The following SYN3 variants were observed in gnomAD, a reference collection of about 807,000 sequenced individuals.
SYN3 encodes the protein synapsin III.
Under a neutral mutation model 65.8 loss-of-function variants are expected in SYN3, and 35 were observed. That is an observed-to-expected ratio of 0.53 (90% CI 0.41 to 0.70). The LOEUF (loss-of-function observed/expected upper bound fraction) is 0.70, where lower values mean the gene tolerates loss of function less well. Ranked by LOEUF, SYN3 falls within the 30% of genes least tolerant of loss-of-function variation. The probability of loss-of-function intolerance (pLI) is 0.00; values close to 1 mark genes in which losing one functional copy is unlikely to be tolerated. For synonymous variants in SYN3, 270 were observed against 292.9 expected (o/e 0.92, Z 0.80); for missense variants, 680 against 749.0 (o/e 0.91, Z 1.08).
At chr22:32,953,730 G>C (rs1315443673) in intron 3 of SYN3, among the ~76,000 whole-genome samples, 4 of 152,230 alleles carry the variant, frequency 2.6e-5, no homozygotes, top group African/African-American at 4.8e-5. Flanking sequence ...TTCTGCATGA[G>C]ATGGGAAGAT....
chr22:32,965,012 G>A (rs942555127), intron 3 of SYN3, among the ~76,000 whole-genome samples: 1 of 152,156 alleles, frequency 6.6e-6, no homozygotes, highest in Non-Finnish European at 1.5e-5. Flanking sequence ...TAGAAAGGTG[G>A]TCAATGCAGG....
At chr22:33,043,177 T>C (rs1455027889) in intron 1 of SYN3, among the ~76,000 whole-genome samples, 1 of 152,218 alleles carries the variant, frequency 6.6e-6, no homozygotes, top group Non-Finnish European at 1.5e-5. Flanking sequence ...ATGTATGTTG[T>C]TGCTGCTGCT....
At position 32,508,109 on chromosome 22, in the gene SYN3, C is replaced by T. The variant is rs1278989660; in HGVS notation, c.*5583G>A. On this transcript the variant is annotated 3_prime_UTR_variant, in exon 14 of 14. Transcript: ENST00000358763. ...AGCCCAAGCCAAGCCATCGCATCCC[C>T]TGTGACTTGCGCGTATACGCCCAGA... Among the ~76,000 whole-genome samples the T allele has an allele frequency of 6.6e-6, 1 of 152,196 alleles. No homozygotes were observed. Among genetic ancestry groups the T allele is most frequent in the Admixed American group, 6.5e-5 (1 of 15,282 alleles).
chr22:32,993,699 G>A (rs1339541436), intron 2 of SYN3, among the ~76,000 whole-genome samples: 1 of 148,188 alleles, frequency 6.7e-6, no homozygotes, highest in African/African-American at 2.5e-5. Flanking sequence ...GGGTGTAGAT[G>A]GTGCCTGGGA....
At chr22:32,625,452 T>C (rs1421346789) in intron 6 of SYN3, among the ~76,000 whole-genome samples, 1 of 152,228 alleles carries the variant, frequency 6.6e-6, no homozygotes, top group African/African-American at 2.4e-5. Flanking sequence ...TTTGCTGGCC[T>C]GAAGGCACCC....
intron 6 of SYN3, among the ~76,000 whole-genome samples, chr22:32,765,624 C>T (rs1157796931): frequency 1.3e-5 from 2 of 152,046 alleles, no homozygotes; most frequent in Non-Finnish European, 1.5e-5. Flanking sequence ...GGAAACTACT[C>T]CTGGGAGAGC....
intron 6 of SYN3, among the ~76,000 whole-genome samples, chr22:32,597,966 T>C (rs559492211): frequency 2.9e-4 from 44 of 152,338 alleles, no homozygotes; most frequent in African/African-American, 1.1e-3. Context: ...CTTTCCCCCT[T>C]TCATGTTGTT....
At chr22:32,629,111 G>A (rs1289742398) in intron 6 of SYN3, among the ~76,000 whole-genome samples, 1 of 152,192 alleles carries the variant, frequency 6.6e-6, no homozygotes, top group Non-Finnish European at 1.5e-5. Flanking sequence ...CCTGTCGTGT[G>A]TGCTCCCCAA....
rs2060387109 is a variant in SYN3 at position 32,672,662 on chromosome 22, G to A, written c.712-75926C>T. ...CAAGCACAAAGCCACGCTGTCTTGA[G>A]CTGGCACCTTCCTGCGTGGGAACCC... is the stretch of plus-strand genomic sequence containing the variant. On this transcript the variant is annotated intron_variant, in intron 6 of 13. Coordinates refer to ENST00000358763, the MANE Select transcript of SYN3 (RefSeq NM_003490.4). Among the ~76,000 whole-genome samples the A allele has an allele frequency of 2.0e-5, 3 of 152,322 alleles. No individual in the cohort carries two copies. The South Asian group carries it at 6.2e-4, about 32-fold the overall frequency.
Position 32,801,829 on chromosome 22 carries a change from G to A in SYN3, c.711+63086C>T. 2.7e-6 allele frequency: 2 copies of A among 751,142 alleles called. No individual in the cohort carries two copies. Among genetic ancestry groups the A allele is most frequent in the South Asian group, 1.2e-4 (2 of 16,508 alleles). The allele number at this position is 751,142 out of a possible 1,614,324, so 46.5% of individuals were successfully genotyped here. ...CCTGCGCCAGCGCCGAGGCAGCCTC[G>A]CTGCGCCCCATCCCGTCCCGCCGGG... On this transcript the variant is annotated intron_variant, in intron 6 of 13. Transcript: ENST00000358763. The surrounding 1 kb of genome is among the most constrained non-coding windows in gnomAD (Gnocchi z 4.7).
rs2057809561 is a variant in SYN3 at position 32,518,120 on chromosome 22, C to T, written c.1533G>A (p.Arg511=). The T allele has an allele frequency of 6.3e-7, 1 of 1,598,584 alleles. No individual in the cohort carries two copies. The highest frequency in any genetic ancestry group is 2.2e-5 in the East Asian group (1 of 44,806). Residue 511 remains arginine (R), a synonymous_variant, in exon 13 of 14, where the codon CGG becomes CGA. Transcript: ENST00000358763. ...KPGATLASQP[R]PPVQGRSTSQ... ...AGGTACTACGGCCCTGCACAGGGGG[C>T]CGGGGCTGTGAGGCGAGGGTGGCAC... is the stretch of plus-strand genomic sequence containing the variant.
At chr22:32,536,133 G>C (rs1329657245) in intron 9 of SYN3, among the ~76,000 whole-genome samples, 1 of 152,252 alleles carries the variant, frequency 6.6e-6, no homozygotes, top group East Asian at 1.9e-4. Flanking sequence ...GGCTCAGGAG[G>C]CACTGGGGAA....
At chr22:32,933,218 G>T (rs2050682304) in intron 3 of SYN3, among the ~76,000 whole-genome samples, 1 of 152,110 alleles carries the variant, frequency 6.6e-6, no homozygotes, top group African/African-American at 2.4e-5. Flanking sequence ...TGGGTTTAAT[G>T]GATAAACATA....
chr22:32,747,133 A>T (rs1476745148), intron 6 of SYN3, among the ~76,000 whole-genome samples: 2 of 152,170 alleles, frequency 1.3e-5, no homozygotes, highest in East Asian at 3.8e-4. Context: ...ATTTTGTTTG[A>T]GCCTCATGCG....
chr22:32,538,695 C>T (rs1050787890), intron 8 of SYN3, among the ~76,000 whole-genome samples: 1 of 146,084 alleles, frequency 6.8e-6, no homozygotes, highest in Non-Finnish European at 1.5e-5. Context: ...CAGTCTTTGT[C>T]TCCATCTTTG....
At chr22:32,622,164 G>A (rs1178643333) in intron 6 of SYN3, among the ~76,000 whole-genome samples, 1 of 151,918 alleles carries the variant, frequency 6.6e-6, no homozygotes, top group Non-Finnish European at 1.5e-5. Flanking sequence ...CCAGCCGACT[G>A]GAAAAGTCCA....
chr22:32,529,166 G>A (rs571784462), intron 10 of SYN3, 158 bp from the exon 11 acceptor site: 428 of 847,196 alleles, frequency 5.1e-4, no homozygotes, highest in Non-Finnish European at 4.9e-4. Context: ...CTGGCCGGCA[G>A]CGACATCAGT....
chr22:32,936,915 T>C (rs1433362478), intron 3 of SYN3, among the ~76,000 whole-genome samples: 2 of 152,208 alleles, frequency 1.3e-5, no homozygotes, highest in African/African-American at 2.4e-5. Context: ...AATCACTCCA[T>C]GTAGATCTGT....
At chr22:32,809,807 T>C (rs1172331157) in intron 6 of SYN3, among the ~76,000 whole-genome samples, 5 of 152,234 alleles carry the variant, frequency 3.3e-5, no homozygotes, top group Non-Finnish European at 4.4e-5. Flanking sequence ...GTTGGCTTAC[T>C]GATATGCCTA....
Sources: allele counts gnomAD v4.1 joint callset (sites outside exome capture counted in the v4.1 genomes callset), GRCh38; gene constraint gnomAD v4.1.1; non-coding constraint Gnocchi (gnomAD v3.1); transcripts MANE v1.5; gene names NCBI Gene and HGNC (gene_info 2026-07-23, HGNC 2026-07-21).